The following CLINT1 variants were observed in gnomAD, a reference collection of about 807,000 sequenced individuals.
CLINT1 encodes clathrin interactor 1.
In CLINT1, 15 loss-of-function variants were observed where a neutral mutation model predicts 70.4. The ratio of observed to expected loss-of-function variants is 0.21; its 90% CI spans 0.14 to 0.33. CLINT1 has a LOEUF of 0.33. Ranked by LOEUF, CLINT1 falls within the 10% of genes least tolerant of loss-of-function variation. The pLI is 1.00. For synonymous variants in CLINT1, 227 were observed against 254.7 expected (o/e 0.89, Z 1.04); for missense variants, 615 against 778.1 (o/e 0.79, Z 2.49).
At chr5:157,849,090 G>A (rs1753485195) in intron 1 of CLINT1, among the ~76,000 whole-genome samples, 1 of 152,168 alleles carries the variant, frequency 6.6e-6, no homozygotes, top group Admixed American at 6.5e-5. Flanking sequence ...GAGCCACCAC[G>A]CCCAGCCTGA....
intron 1 of CLINT1, among the ~76,000 whole-genome samples, chr5:157,857,224 C>CAAAA (rs34211902): frequency 8.3e-6 from 1 of 120,710 alleles, no homozygotes; most frequent in Non-Finnish European, 1.7e-5. Context: ...GAGACCCCAT[C>CAAAA]AAAAAAAAAA....
intron 1 of CLINT1, among the ~76,000 whole-genome samples, chr5:157,836,202 G>A (rs1351059358): frequency 6.6e-6 from 1 of 152,138 alleles, no homozygotes; most frequent in African/African-American, 2.4e-5. Context: ...TAACTCTAAT[G>A]GGCCAGGCAT....
chr5:157,791,621 T>C (rs889002709), intron 10 of CLINT1, 82 bp downstream of exon 10: 2 of 1,324,006 alleles, frequency 1.5e-6, no homozygotes, highest in African/African-American at 2.9e-5. Flanking sequence ...TATTTTTCTG[T>C]TTTATACTAA....
chr5:157,855,161 G>GA (rs202117286), intron 1 of CLINT1, among the ~76,000 whole-genome samples: 1 of 66,906 alleles, frequency 1.5e-5, no homozygotes, highest in Non-Finnish European at 3.3e-5. Flanking sequence ...AAAAGGCGGG[G>GA]GGGGGGGCGG....
intron 1 of CLINT1, among the ~76,000 whole-genome samples, chr5:157,836,489 C>T (rs1763428075): frequency 6.6e-6 from 1 of 152,220 alleles, no homozygotes; most frequent in Non-Finnish European, 1.5e-5. Context: ...CTATCCAACT[C>T]AGCACCAAGA....
chr5:157,858,482 G>A (rs1438413450), intron 1 of CLINT1, among the ~76,000 whole-genome samples: 2 of 152,310 alleles, frequency 1.3e-5, no homozygotes, highest in Non-Finnish European at 2.9e-5. Context: ...CCAGGTCTAA[G>A]GTCTCTCCGT....
rs185139762 is a variant in CLINT1, at chr5:157,846,563, T to A, written c.41+12367A>T. Among the ~76,000 whole-genome samples the A allele has an allele frequency of 1.6e-4, 25 of 152,362 alleles. No homozygotes were observed. In the East Asian group the frequency reaches 3.3e-3, roughly 20 times the overall value. ...TTTAAGGTGAAACAGTAAGTGCTGA[T>A]GTAGAAGCTATGGCAAATTATCCAG... On this transcript the variant is annotated intron_variant, in intron 1 of 11. Transcript: ENST00000411809.
At chr5:157,815,122 C>CAT (rs1762679774) in intron 3 of CLINT1, among the ~76,000 whole-genome samples, 1 of 131,726 alleles carries the variant, frequency 7.6e-6, no homozygotes, top group Admixed American at 7.2e-5. Flanking sequence ...TTCACACATA[C>CAT]ACACACACAC....
At chr5:157,851,090 C>A (rs1181175106) in intron 1 of CLINT1, among the ~76,000 whole-genome samples, 1 of 152,154 alleles carries the variant, frequency 6.6e-6, no homozygotes, top group African/African-American at 2.4e-5. Flanking sequence ...CGGCACCTGG[C>A]CTTGCACTGT....
intron 1 of CLINT1, among the ~76,000 whole-genome samples, chr5:157,835,039 A>C (rs1763372764): frequency 6.6e-6 from 1 of 152,204 alleles, no homozygotes; most frequent in Non-Finnish European, 1.5e-5. Context: ...TTCCCATCCG[A>C]GGTCAAACAA....
chr5:157,790,512 CA>C (rs1761869156), intron 10 of CLINT1: 1 of 345,444 alleles, frequency 2.9e-6, no homozygotes, highest in South Asian at 2.3e-5. Context: ...AGAATTATGA[CA>C]GTTACAATTA....
intron 8 of CLINT1, among the ~76,000 whole-genome samples, chr5:157,797,325 T>C (rs941607570): frequency 6.6e-6 from 1 of 152,232 alleles, no homozygotes; most frequent in African/African-American, 2.4e-5. Flanking sequence ...ATTTAAGCAG[T>C]GAATAAACAT....
At chr5:157,825,584 T>TA (rs1202051033) in intron 1 of CLINT1, among the ~76,000 whole-genome samples, 4 of 152,188 alleles carry the variant, frequency 2.6e-5, no homozygotes, top group Admixed American at 2.0e-4. Flanking sequence ...GCAAACTGCC[T>TA]AAGTCCAAAC....
intron 10 of CLINT1, chr5:157,791,472 G>A (rs992344150): frequency 2.0e-6 from 1 of 505,024 alleles, no homozygotes; most frequent in Non-Finnish European, 3.5e-6. Flanking sequence ...GCTTTACAGT[G>A]ACTACAAGAT....
rs1355719030 is a variant in CLINT1 at position 157,794,983 on chromosome 5, A to C, written c.1013-11T>G. On this transcript the variant is annotated splice_polypyrimidine_tract_variant and intron_variant, in intron 8 of 11. Coordinates refer to ENST00000411809, the MANE Select transcript of CLINT1 (RefSeq NM_014666.4). ...AATCAGCTGATCCTCCTAGAAGTTA[A>C]GAAAAAGTTAAAACTGTTAGAACTA... is the stretch of plus-strand genomic sequence containing the variant. The C allele has an allele frequency of 1.3e-6, 2 of 1,549,496 alleles. No individual in the cohort carries two copies. Among genetic ancestry groups the C allele is most frequent in the Admixed American group, 3.9e-5 (2 of 50,984 alleles).
intron 1 of CLINT1, among the ~76,000 whole-genome samples, chr5:157,831,693 CTTTTTTT>C (rs35629225): frequency 6.1e-4 from 76 of 123,928 alleles, no homozygotes; most frequent in Admixed American, 1.3e-3. Context: ...TGAAAATATC[CTTTTTTT>C]TTTTTTTTTT....
rs543502057 is a variant in CLINT1, at chr5:157,786,630, C to G, written c.*1016G>C. 1 of 152,498 alleles carries G rather than the reference C, an allele frequency of 6.6e-6. No homozygotes were observed. The highest frequency in any genetic ancestry group is 2.4e-5 in the African/African-American group (1 of 41,400). The allele number at this position is 152,498 out of a possible 1,614,324, so 9.4% of individuals were successfully genotyped here. A position where few individuals can be genotyped will look rare whatever the true frequency, so the allele number is the denominator to read the frequency against. On this transcript the variant is annotated 3_prime_UTR_variant, in exon 12 of 12. Coordinates refer to ENST00000411809, the MANE Select transcript of CLINT1 (RefSeq NM_014666.4). ...TATATATTTAACTCCTCTATTGGAA[C>G]CATATTGCTAATGCTGCATTATATA...
intron 1 of CLINT1, among the ~76,000 whole-genome samples, chr5:157,852,843 A>C (rs1030745401): frequency 3.9e-5 from 6 of 152,216 alleles, no homozygotes; most frequent in Admixed American, 1.3e-4. Flanking sequence ...ATGGACAAAC[A>C]CACATAATTA....
Position 157,809,721 on chromosome 5 carries a change from A to G in CLINT1, c.602T>C (p.Leu201Ser). Residue 201 changes from leucine to serine, a missense_variant, in exon 6 of 12, where the codon TTA becomes TCA. By Grantham distance (145) the Leu-to-Ser change is moderately radical (BLOSUM62 -2). Around this residue, in one of 2 missense-constraint regions of CLINT1, gnomAD observed 241 missense variants for 368.6 expected, o/e 0.65. Transcript: ENST00000411809. ...NKSAFPFSDK[L>S]GELSDKIGST... ...TCCAATTTTATCACTCAGCTCACCT[A>G]ATTTATCACTGAATGGAAAAGCACT... 6.2e-7 allele frequency: 1 copy of G among 1,613,582 alleles called. No individual in the cohort carries two copies. Among genetic ancestry groups the G allele is most frequent in the Non-Finnish European group, 8.5e-7 (1 of 1,179,690 alleles).
Sources: allele counts gnomAD v4.1 joint callset (sites outside exome capture counted in the v4.1 genomes callset), GRCh38; gene constraint gnomAD v4.1.1; regional missense constraint gnomAD v4.1.1; transcripts MANE v1.5; gene names NCBI Gene and HGNC (gene_info 2026-07-23, HGNC 2026-07-21).